Variants in GDAP1 observed in about 807,000 individuals in gnomAD.
GDAP1 encodes ganglioside induced differentiation associated protein 1.
Under a neutral mutation model 40.1 loss-of-function variants are expected in GDAP1, and 34 were observed. The ratio of observed to expected loss-of-function variants is 0.85; its 90% confidence interval spans 0.64 to 1.13. The LOEUF (loss-of-function observed/expected upper bound fraction) is 1.13, where lower values mean the gene tolerates loss of function less well. GDAP1 is among the 50% of genes most tolerant of loss of function. The probability of loss-of-function intolerance (pLI) is 0.00; values close to 1 mark genes in which losing one functional copy is unlikely to be tolerated. For missense variants in GDAP1, 374 were observed against 433.7 expected, an observed-to-expected ratio of 0.86 and a Z score of 1.22; for synonymous variants, 170 against 157.4, an observed-to-expected ratio of 1.08 and a Z score of -0.60.
chr8:74,433,982 A>C (rs1806058551), intron 2 of GDAP1, among the ~76,000 whole-genome samples: 1 of 152,216 alleles, frequency 6.6e-6, no homozygotes, highest in South Asian at 2.1e-4. Flanking sequence ...CTGCATTTGG[A>C]AACTTCCCAG....
chr8:74,464,147 T>C (rs1220354839), intron 2 of GDAP1, among the ~76,000 whole-genome samples: 1 of 152,128 alleles, frequency 6.6e-6, no homozygotes, highest in Non-Finnish European at 1.5e-5. Flanking sequence ...CATGGAGACT[T>C]TTATCAACAA....
At chr8:74,414,651 AAG>A (rs1805756628) in intron 2 of GDAP1, among the ~76,000 whole-genome samples, 1 of 149,382 alleles carries the variant, frequency 6.7e-6, no homozygotes, top group Non-Finnish European at 1.5e-5. Flanking sequence ...GAAAATTAAA[AAG>A]AAAAAAAAAA....
At chr8:74,353,668 C>T (rs1351745240) in intron 2 of GDAP1, among the ~76,000 whole-genome samples, 2 of 152,160 alleles carry the variant, frequency 1.3e-5, no homozygotes, top group African/African-American at 2.4e-5. Flanking sequence ...ATTGGTGTCA[C>T]CTGGGAGCTT....
chr8:74,359,587 C>A (rs1454575038), intron 2 of GDAP1, among the ~76,000 whole-genome samples: 12 of 152,286 alleles, frequency 7.9e-5, no homozygotes, highest in East Asian at 3.9e-4. Flanking sequence ...TGGTTGGCAC[C>A]TAGAAAAGAG....
intron 2 of GDAP1, among the ~76,000 whole-genome samples, chr8:74,392,205 T>G (rs1810120796): frequency 6.6e-6 from 1 of 152,230 alleles, no homozygotes; most frequent in African/African-American, 2.4e-5. Flanking sequence ...TTGATTTATC[T>G]CCTACCACTG....
intron 2 of GDAP1, among the ~76,000 whole-genome samples, chr8:74,409,036 G>T (rs1221481011): frequency 6.7e-6 from 1 of 149,920 alleles, no homozygotes; most frequent in African/African-American, 2.5e-5. Context: ...TTTGGGGTAC[G>T]TGTAAAAATA....
intron 2 of GDAP1, among the ~76,000 whole-genome samples, chr8:74,352,752 C>T (rs1278955884): frequency 6.6e-6 from 1 of 152,084 alleles, no homozygotes; most frequent in African/African-American, 2.4e-5. Flanking sequence ...ACAACTAGTT[C>T]ATTTAAGAGA....
intron 2 of GDAP1, among the ~76,000 whole-genome samples, chr8:74,455,355 A>G (rs1284888308): frequency 6.6e-6 from 1 of 151,964 alleles, no homozygotes; most frequent in South Asian, 2.1e-4. Flanking sequence ...AACCTTTATC[A>G]GTTGTGAGAT....
downstream of GDAP1, among the ~76,000 whole-genome samples, chr8:74,367,925 G>A (rs949718628): frequency 2.5e-4 from 38 of 152,178 alleles, no homozygotes; most frequent in African/African-American, 8.4e-4. Context: ...AGGCAGTGGG[G>A]TAGAGCAGCT....
chr8:74,470,427 C>T lies in GDAP1; in HGVS notation c.166-18251C>T, dbSNP rs562528337. ...TCTACCCCCACCCCACAACAGGCCC[C>T]GGTGTGTGATGTTCCCCTTCCTGTG... is the stretch of plus-strand genomic sequence containing the variant. On this transcript the variant is annotated intron_variant, in intron 2 of 2. Transcript: ENST00000523640. Among the ~76,000 whole-genome samples the T allele has an allele frequency of 9.1e-4, 139 of 152,182 alleles. 1 individual carries two copies. The highest frequency in any genetic ancestry group is 1.5e-3 in the Non-Finnish European group (103 of 67,994).
chr8:74,356,716 A>G (rs13280912), intron 2 of GDAP1, among the ~76,000 whole-genome samples: 1 of 104,362 alleles, frequency 9.6e-6, no homozygotes, highest in Admixed American at 1.1e-4. Flanking sequence ...ATATATATAT[A>G]TTTTTTTTTT....
At chr8:74,443,667 A>G (rs1239896746) in intron 2 of GDAP1, among the ~76,000 whole-genome samples, 1 of 152,126 alleles carries the variant, frequency 6.6e-6, no homozygotes, top group Non-Finnish European at 1.5e-5. Flanking sequence ...TCTAAGATTG[A>G]TGGTCATGAT....
At chr8:74,394,029 T>G (rs1454822441) in intron 2 of GDAP1, among the ~76,000 whole-genome samples, 1 of 152,178 alleles carries the variant, frequency 6.6e-6, no homozygotes, top group African/African-American at 2.4e-5. Context: ...TTCACACTGT[T>G]GATAAAGACA....
chr8:74,384,049 G>T (rs1290743070), intron 2 of GDAP1, among the ~76,000 whole-genome samples: 1 of 152,030 alleles, frequency 6.6e-6, no homozygotes, highest in African/African-American at 2.4e-5. Flanking sequence ...TTACTTCACA[G>T]GAACTTCTTA....
At chr8:74,427,690 A>G (rs1335227122) in intron 2 of GDAP1, among the ~76,000 whole-genome samples, 2 of 152,198 alleles carry the variant, frequency 1.3e-5, no homozygotes, top group African/African-American at 4.8e-5. Flanking sequence ...AAGAAATGAG[A>G]TAAAAATGTA....
chr8:74,427,090 G>C (rs1168133318), intron 2 of GDAP1, among the ~76,000 whole-genome samples: 1 of 152,196 alleles, frequency 6.6e-6, no homozygotes, highest in African/African-American at 2.4e-5. Context: ...GCTGCAAACA[G>C]AGGCCAGAAA....
intron 2 of GDAP1, among the ~76,000 whole-genome samples, chr8:74,430,244 T>C (rs1806008780): frequency 6.6e-6 from 1 of 152,208 alleles, no homozygotes; most frequent in African/African-American, 2.4e-5. Flanking sequence ...AAAATGGTTT[T>C]ACAAAACACC....
chr8:74,364,803 G>A lies in GDAP1; in HGVS notation c.*436G>A, dbSNP rs1257365202. On this transcript the variant is annotated 3_prime_UTR_variant, in exon 6 of 6. Coordinates refer to ENST00000220822, the MANE Select transcript of GDAP1 (RefSeq NM_018972.4). ...GGATAGTGGGCTGGAGAGAACCCCA[G>A]GCTTTATATGTATACTTTGACCTCA... is the stretch of plus-strand genomic sequence containing the variant. 2.2e-6 allele frequency: 1 copy of A among 456,146 alleles called. No homozygotes were observed. The highest frequency in any genetic ancestry group is 1.6e-5 in the South Asian group (1 of 64,506). 28.3% of individuals were successfully genotyped at this position (456,146 alleles called of 1,614,324 possible).
intron 5 of GDAP1, 152 bp downstream of exon 5, chr8:74,363,205 C>T (rs2131519851): frequency 1.7e-6 from 1 of 585,490 alleles, no homozygotes; most frequent in Non-Finnish European, 3.0e-6. Context: ...GATATTGCAC[C>T]CAGAAAAACC....
Sources: gnomAD v4.1 joint callset for allele counts (sites outside exome capture counted in the v4.1 genomes callset) on GRCh38, gnomAD v4.1.1 for gene constraint, MANE v1.5 for transcripts, NCBI Gene and HGNC (gene_info 2026-07-23, HGNC 2026-07-21) for gene names.